Variants in TBC1D32 observed in about 807,000 individuals in gnomAD.
TBC1D32 encodes protein broad-minded.
A neutral mutation model predicts 170.3 loss-of-function variants in TBC1D32; 151 were observed. That is an observed-to-expected ratio of 0.89 (90% confidence interval 0.78 to 1.01). TBC1D32 has a LOEUF of 1.01. TBC1D32 is among the 50% of genes least tolerant of loss of function. TBC1D32 has a pLI of 0.00. For missense variants in TBC1D32, 1,464 were observed against 1,457.1 expected, an observed-to-expected ratio of 1.00 and a Z score of -0.08; for synonymous variants, 498 against 488.0, an observed-to-expected ratio of 1.02 and a Z score of -0.27.
intron 31 of TBC1D32, among the ~76,000 whole-genome samples, chr6:121,082,717 C>CT (rs1482780777): frequency 7.9e-5 from 12 of 151,896 alleles, no homozygotes; most frequent in Non-Finnish European, 1.2e-4. Flanking sequence ...TAAAAACCAC[C>CT]TAGGGACAGC....
chr6:121,254,242 A>G (rs1798673059), intron 17 of TBC1D32, among the ~76,000 whole-genome samples: 1 of 152,088 alleles, frequency 6.6e-6, no homozygotes, highest in Admixed American at 6.6e-5. Flanking sequence ...ACAGAAGGAA[A>G]ATTTGGAAGG....
At chr6:121,094,292 T>G (rs1057510630) in intron 30 of TBC1D32, among the ~76,000 whole-genome samples, 1 of 151,876 alleles carries the variant, frequency 6.6e-6, no homozygotes, top group African/African-American at 2.4e-5. Context: ...CTCAGCCTCT[T>G]GAGTAGGTGG....
chr6:121,096,473 G>A (rs1342835487), intron 30 of TBC1D32, among the ~76,000 whole-genome samples: 1 of 151,940 alleles, frequency 6.6e-6, no homozygotes, highest in East Asian at 1.9e-4. Context: ...AAAATACCTA[G>A]GAATACAATT....
At chr6:121,184,710 G>T (rs1309961465) in intron 22 of TBC1D32, among the ~76,000 whole-genome samples, 1 of 151,644 alleles carries the variant, frequency 6.6e-6, no homozygotes, top group Non-Finnish European at 1.5e-5. Flanking sequence ...TTCTGACAAG[G>T]TGCAATACGA....
chr6:121,220,787 T>C (rs1294589067), intron 21 of TBC1D32, among the ~76,000 whole-genome samples: 1 of 151,752 alleles, frequency 6.6e-6, no homozygotes, highest in Non-Finnish European at 1.5e-5. Context: ...ATTACAGACA[T>C]GCGCCACCAC....
At chr6:121,253,975 T>G (rs1364359239) in intron 17 of TBC1D32, among the ~76,000 whole-genome samples, 1 of 151,852 alleles carries the variant, frequency 6.6e-6, no homozygotes, top group African/African-American at 2.4e-5. Context: ...TGCAAAGATA[T>G]GAAACCAATC....
intron 22 of TBC1D32, among the ~76,000 whole-genome samples, chr6:121,184,761 T>C (rs779949194): frequency 1.3e-5 from 2 of 151,712 alleles, no homozygotes; most frequent in Non-Finnish European, 2.9e-5. Context: ...TGAATCTATG[T>C]TCCCTTTGTT....
At chr6:121,134,120 A>T (rs1219408022) in intron 24 of TBC1D32, among the ~76,000 whole-genome samples, 2 of 152,254 alleles carry the variant, frequency 1.3e-5, no homozygotes, top group East Asian at 3.9e-4. Context: ...AGAATAAAAT[A>T]TCTACAGTCT....
At chr6:121,194,012 CTG>C (rs57418325) in intron 22 of TBC1D32, among the ~76,000 whole-genome samples, 6,024 of 151,980 alleles carry the variant, frequency 0.04, 340 homozygotes, top group African/African-American at 0.12. Context: ...TAGAGGGTAA[CTG>C]TGAATTGGGG....
At position 121,194,120 on chromosome 6, in the gene TBC1D32, T is replaced by C. The variant is rs532925230; in HGVS notation, c.2570+10955A>G. ...AAAAAACATCACTGTGGTACTCCAG[T>C]TGAAGTAGTGGCTTATGGAGGTCAG... is the stretch of plus-strand genomic sequence containing the variant. On this transcript the variant is annotated intron_variant, in intron 22 of 31. Coordinates refer to ENST00000398212, the MANE Select transcript of TBC1D32 (RefSeq NM_152730.6). Among the ~76,000 whole-genome samples, 128 of 152,274 alleles carry C rather than the reference T, an allele frequency of 8.4e-4. 1 individual carries two copies. The South Asian group carries it at 0.025, about 30-fold the overall frequency.
intron 14 of TBC1D32, among the ~76,000 whole-genome samples, chr6:121,281,241 A>G (rs1035396373): frequency 2.6e-5 from 4 of 151,824 alleles, no homozygotes; most frequent in African/African-American, 9.7e-5. Flanking sequence ...GAGATTTATT[A>G]GATTTGCAAA....
intron 25 of TBC1D32, among the ~76,000 whole-genome samples, chr6:121,129,315 C>T (rs1255906996): frequency 2.0e-5 from 3 of 152,022 alleles, no homozygotes; most frequent in African/African-American, 4.8e-5. Context: ...TAGATTTTGC[C>T]CAGCCATAGG....
At chr6:121,294,505 T>C in intron 11 of TBC1D32, 65 bp downstream of exon 11, 1 of 1,226,508 alleles carries the variant, frequency 8.2e-7, no homozygotes, top group East Asian at 2.4e-5. Flanking sequence ...AAGTTCCTAC[T>C]AAACTGTATT....
rs115730361 is a variant in TBC1D32, at chr6:121,124,164, C to A, written c.2983+2214G>T. Among the ~76,000 whole-genome samples the A allele has an allele frequency of 1.5e-3, 231 of 152,034 alleles. 1 individual carries two copies. Among genetic ancestry groups the A allele is most frequent in the African/African-American group, 5.4e-3 (224 of 41,490 alleles). On this transcript the variant is annotated intron_variant, in intron 26 of 31. Transcript: ENST00000398212. ...ATTAGTGCAATAATCATGTTAGCAT[C>A]CTTTTCCTTCCATTTTAAAACTCCC...
chr6:121,134,311 A>C (rs1192290162), intron 24 of TBC1D32, among the ~76,000 whole-genome samples: 1 of 152,074 alleles, frequency 6.6e-6, no homozygotes, highest in Non-Finnish European at 1.5e-5. Context: ...TGTTATTTAT[A>C]AATCTGTTTT....
intron 17 of TBC1D32, among the ~76,000 whole-genome samples, chr6:121,247,535 GAT>G (rs1294048433): frequency 6.6e-6 from 1 of 151,484 alleles, no homozygotes; most frequent in Non-Finnish European, 1.5e-5. Flanking sequence ...TAGGAGAATG[GAT>G]AACCACCAGC....
rs144600345 is a variant in TBC1D32 at position 121,097,069 on chromosome 6, C to T, written c.3466-6028G>A. Among the ~76,000 whole-genome samples, 887 of 152,106 alleles carry T rather than the reference C, an allele frequency of 5.8e-3. 8 individuals carry two copies. The highest frequency in any genetic ancestry group is 6.5e-3 in the Non-Finnish European group (443 of 67,960). The stretch of plus-strand genomic sequence containing the variant: ...ACTCAAGATTGATTAAAGACTTAAA[C>T]ATAAGACCTCAAATTATAAAAACCC... On this transcript the variant is annotated intron_variant, in intron 30 of 31. Coordinates refer to ENST00000398212, the MANE Select transcript of TBC1D32 (RefSeq NM_152730.6).
intron 31 of TBC1D32, among the ~76,000 whole-genome samples, chr6:121,082,785 T>C (rs1775774880): frequency 6.6e-6 from 1 of 151,970 alleles, no homozygotes; most frequent in Non-Finnish European, 1.5e-5. Flanking sequence ...TTTGAAATCA[T>C]GGTTTCCATT....
At chr6:121,241,259 A>T (rs976863151) in intron 19 of TBC1D32, among the ~76,000 whole-genome samples, 5 of 152,172 alleles carry the variant, frequency 3.3e-5, no homozygotes, top group African/African-American at 1.2e-4. Flanking sequence ...TATATATATC[A>T]CAGAAACACA....
Sources: gnomAD v4.1 joint callset for allele counts (sites outside exome capture counted in the v4.1 genomes callset) on GRCh38, gnomAD v4.1.1 for gene constraint, MANE v1.5 for transcripts, NCBI Gene and HGNC (gene_info 2026-07-23, HGNC 2026-07-21) for gene names.